ASTN2: variants seen among roughly 807,000 people sequenced by gnomAD.
ASTN2 encodes astrotactin 2.
ASTN2 carries 54 observed loss-of-function variants against 139.8 expected under a neutral mutation model. That is an observed-to-expected ratio of 0.39 (90% confidence interval 0.31 to 0.48). The LOEUF (loss-of-function observed/expected upper bound fraction) is 0.48, where lower values mean the gene tolerates loss of function less well. Ranked by LOEUF, ASTN2 falls within the 20% of genes least tolerant of loss-of-function variation. The pLI is 0.95. For synonymous variants in ASTN2, 756 were observed against 719.5 expected (o/e 1.05, Z -0.81); for missense variants, 1,565 against 1,725.1 (o/e 0.91, Z 1.64).
At chr9:116,629,541 C>T (rs1056792039) in intron 17 of ASTN2, among the ~76,000 whole-genome samples, 2 of 152,216 alleles carry the variant, frequency 1.3e-5, no homozygotes, top group African/African-American at 2.4e-5. Context: ...CCAAGCAGTG[C>T]CCCCTGAACT....
rs1588043250 is a variant in ASTN2 at position 116,423,127 on chromosome 9, C to A, written c.*2724G>T. 2.6e-5 allele frequency among the ~76,000 whole-genome samples: 4 copies of A among 152,104 alleles called. No homozygotes were observed. The highest frequency in any genetic ancestry group is 2.6e-4 in the Admixed American group (4 of 15,268). ...CTGACAGAGCTGAAAATCATTAATT[C>A]TTTCTTTTAATCAGAATTCTCTAGG... On this transcript the variant is annotated 3_prime_UTR_variant, in exon 23 of 23. Transcript: ENST00000313400.
chr9:116,651,981 T>C (rs1412624654), intron 16 of ASTN2, among the ~76,000 whole-genome samples, 188 bp from the exon 17 acceptor site: 1 of 152,084 alleles, frequency 6.6e-6, no homozygotes, highest in African/African-American at 2.4e-5. Context: ...GCCAGAATGG[T>C]GTATTGTCCT....
At chr9:117,035,417 A>G (rs1838357743) in intron 6 of ASTN2, among the ~76,000 whole-genome samples, 1 of 152,026 alleles carries the variant, frequency 6.6e-6, no homozygotes, top group African/African-American at 2.4e-5. Context: ...ATCAATGCTA[A>G]CGGATGACAT....
At chr9:117,263,519 A>G (rs1191534234) in intron 2 of ASTN2, among the ~76,000 whole-genome samples, 1 of 152,220 alleles carries the variant, frequency 6.6e-6, no homozygotes, top group African/African-American at 2.4e-5. Flanking sequence ...TTCTTTTAAA[A>G]ATAGAACTGG....
At chr9:117,336,255 A>C (rs1207310500) in intron 1 of ASTN2, among the ~76,000 whole-genome samples, 2 of 152,284 alleles carry the variant, frequency 1.3e-5, no homozygotes, top group Admixed American at 1.3e-4. Flanking sequence ...TGTATGGGGA[A>C]TAATCCTTTG....
At chr9:116,496,817 T>C (rs761968566) in intron 19 of ASTN2, among the ~76,000 whole-genome samples, 1 of 152,234 alleles carries the variant, frequency 6.6e-6, no homozygotes, top group Admixed American at 6.5e-5. Context: ...GCAAGAGAGC[T>C]TGTGCAGGGG....
chr9:117,253,541 ATC>A (rs1381156453), intron 2 of ASTN2, among the ~76,000 whole-genome samples: 2 of 152,138 alleles, frequency 1.3e-5, no homozygotes, highest in East Asian at 1.9e-4. Context: ...AGGGAGGGAC[ATC>A]CATTTAGTGA....
chr9:116,850,889 A>G (rs985182045), intron 11 of ASTN2, among the ~76,000 whole-genome samples: 10 of 152,194 alleles, frequency 6.6e-5, no homozygotes, highest in Non-Finnish European at 1.2e-4. Flanking sequence ...AGTTCATCCT[A>G]TCATTGTGCA....
At chr9:117,139,862 G>T (rs959688337) in intron 4 of ASTN2, among the ~76,000 whole-genome samples, 1 of 152,192 alleles carries the variant, frequency 6.6e-6, no homozygotes, top group Non-Finnish European at 1.5e-5. Flanking sequence ...TGCATGTTAA[G>T]CTTGAAAAGA....
chr9:117,249,621 C>T (rs956940537), intron 2 of ASTN2, among the ~76,000 whole-genome samples: 5 of 152,068 alleles, frequency 3.3e-5, no homozygotes, highest in Middle Eastern at 3.2e-3. Context: ...CACCACCTTC[C>T]CCCTGGTCTT....
At chr9:117,220,247 C>G (rs1014619350) in intron 2 of ASTN2, among the ~76,000 whole-genome samples, 1 of 152,048 alleles carries the variant, frequency 6.6e-6, no homozygotes, top group Non-Finnish European at 1.5e-5. Flanking sequence ...TCCAGGTTCC[C>G]TAGCCTGGTA....
intron 22 of ASTN2, among the ~76,000 whole-genome samples, chr9:116,436,217 T>G (rs1847645033): frequency 6.6e-6 from 1 of 152,194 alleles, no homozygotes; most frequent in African/African-American, 2.4e-5. Flanking sequence ...ACATTGCATT[T>G]TTTGGAATGT....
chr9:117,045,084 G>C (rs1838692416), intron 5 of ASTN2, among the ~76,000 whole-genome samples: 1 of 152,002 alleles, frequency 6.6e-6, no homozygotes, highest in African/African-American at 2.4e-5. Context: ...TGTGGCCTTT[G>C]GGGTCAGGCA....
intron 1 of ASTN2, among the ~76,000 whole-genome samples, chr9:117,293,659 A>G (rs1834652836): frequency 6.6e-6 from 1 of 152,050 alleles, no homozygotes; most frequent in Non-Finnish European, 1.5e-5. Flanking sequence ...GGCTGGGGTG[A>G]TCTGCTGCCC....
intron 19 of ASTN2, among the ~76,000 whole-genome samples, chr9:116,580,518 C>G (rs1325861097): frequency 1.3e-5 from 2 of 152,180 alleles, no homozygotes; most frequent in Non-Finnish European, 2.9e-5. Context: ...CCTGTGACAC[C>G]AGGCTGTGTT....
chr9:116,590,911 G>A (rs1251848632), intron 19 of ASTN2, among the ~76,000 whole-genome samples: 1 of 152,154 alleles, frequency 6.6e-6, no homozygotes, highest in Non-Finnish European at 1.5e-5. Flanking sequence ...TCATCAGGAT[G>A]ACCTGCCTTC....
At chr9:116,800,285 TC>T (rs1564273913) in intron 13 of ASTN2, among the ~76,000 whole-genome samples, 1 of 152,162 alleles carries the variant, frequency 6.6e-6, no homozygotes, top group Non-Finnish European at 1.5e-5. Flanking sequence ...CATAGACTGT[TC>T]TTTAGTGTCT....
rs1228615020 is a variant in ASTN2, at chr9:116,698,568, C to T, written c.2806+27203G>A. 6.2e-7 allele frequency: 1 copy of T among 1,613,876 alleles called. No individual in the cohort carries two copies. Among genetic ancestry groups the T allele is most frequent in the African/African-American group, 1.3e-5 (1 of 74,912 alleles). ...CAGCTTGCCTCGGGAGCTCACCCTG[C>T]AAGATGTGGAGCTCCTTAAGGTAGG... On this transcript the variant is annotated intron_variant, in intron 16 of 22. Transcript: ENST00000313400. The surrounding 1 kb of genome is among the most constrained non-coding windows in gnomAD (Gnocchi z 4.4).
At chr9:117,249,465 C>T (rs1833476364) in intron 2 of ASTN2, among the ~76,000 whole-genome samples, 1 of 152,144 alleles carries the variant, frequency 6.6e-6, no homozygotes, top group Non-Finnish European at 1.5e-5. Flanking sequence ...GATCATTTTG[C>T]CCAGAGGTTT....
Sources: gnomAD v4.1 joint callset for allele counts (sites outside exome capture counted in the v4.1 genomes callset) on GRCh38, gnomAD v4.1.1 for gene constraint, Gnocchi (gnomAD v3.1) non-coding constraint, MANE v1.5 for transcripts, NCBI Gene and HGNC (gene_info 2026-07-23, HGNC 2026-07-21) for gene names.